The following NGB variants were observed in gnomAD, a reference collection of about 807,000 sequenced individuals.
NGB encodes the protein nitrite reductase.
Under a neutral mutation model 17.3 loss-of-function variants are expected in NGB, and 12 were observed. The observed-to-expected ratio is 0.69, with a 90% CI of 0.45 to 1.13. The LOEUF is 1.13. Ranked by LOEUF, NGB falls within the 50% of genes most tolerant of loss-of-function variation. NGB has a pLI of 0.00. For synonymous variants in NGB, 87 were observed against 81.0 expected, an observed-to-expected ratio of 1.07 and a Z score of -0.40; for missense variants, 195 against 191.7, an observed-to-expected ratio of 1.02 and a Z score of -0.10.
intron 3 of NGB, among the ~76,000 whole-genome samples, chr14:77,268,095 A>G (rs1269141794): frequency 2.0e-5 from 3 of 152,194 alleles, no homozygotes; most frequent in Non-Finnish European, 4.4e-5. Flanking sequence ...ATAACACACA[A>G]GTAACTCCAG....
At position 77,266,399 on chromosome 14, in the gene NGB, C is replaced by A. The variant is rs1043079933; in HGVS notation, c.*137G>T. The A allele has an allele frequency of 6.5e-6, 8 of 1,227,440 alleles. No individual in the cohort carries two copies. The highest frequency in any genetic ancestry group is 3.6e-6 in the Non-Finnish European group (3 of 835,310). The allele number at this position is 1,227,440 out of a possible 1,614,324, so 76.0% of individuals were successfully genotyped here. A position where few individuals can be genotyped will look rare whatever the true frequency, so the allele number is the denominator to read the frequency against. ...TGGACTCTAGGATACTGAGACCCAGCCCTGCCCCATCACCTCTCCAGTGTG... is the reference window on the plus strand; with the variant it reads ...TGGACTCTAGGATACTGAGACCCAGACCTGCCCCATCACCTCTCCAGTGTG... On this transcript the variant is annotated 3_prime_UTR_variant, in exon 4 of 4. Transcript: ENST00000298352.
chr14:77,266,181 G>C lies in NGB; in HGVS notation c.*355C>G. On this transcript the variant is annotated 3_prime_UTR_variant, in exon 4 of 4. Coordinates refer to ENST00000298352, the MANE Select transcript of NGB (RefSeq NM_021257.4). ...TGGCCTGCACTCACCTGAAGAAGCA[G>C]GACAGACAGAAGAGCCCCATCCTCT... The C allele has an allele frequency of 1.8e-6, 1 of 557,488 alleles. No individual in the cohort carries two copies. Among genetic ancestry groups the C allele is most frequent in the Non-Finnish European group, 3.6e-6 (1 of 277,296 alleles). 34.5% of individuals were successfully genotyped at this position (557,488 alleles called of 1,614,324 possible). A position where few individuals can be genotyped will look rare whatever the true frequency, so the allele number is the denominator to read the frequency against.
chr14:77,268,686 G>A, intron 2 of NGB, 101 bp from the exon 3 acceptor site: 5 of 1,486,732 alleles, frequency 3.4e-6, no homozygotes, highest in Non-Finnish European at 4.6e-6. Context: ...AGAGAGGCCA[G>A]TAGGACCCTC....
Position 77,266,448 on chromosome 14 carries a change from G to A in NGB, c.*88C>T. ...TGGCCAAGGGGACAAGGACCAAGATGCAGGGAAGCTTGGGGAGCCTGGGCT... is the reference window on the plus strand; with the variant it reads ...TGGCCAAGGGGACAAGGACCAAGATACAGGGAAGCTTGGGGAGCCTGGGCT... On this transcript the variant is annotated 3_prime_UTR_variant, in exon 4 of 4. Transcript: ENST00000298352. 1 of 1,544,136 alleles carries A rather than the reference G, an allele frequency of 6.5e-7. No homozygotes were observed. Among genetic ancestry groups the A allele is most frequent in the Admixed American group, 1.7e-5 (1 of 57,206 alleles).
chr14:77,266,803 C>A, intron 3 of NGB, 133 bp from the exon 4 acceptor site: 1 of 973,976 alleles, frequency 1.0e-6, no homozygotes, highest in Middle Eastern at 2.3e-4. Context: ...TGAGTCCATG[C>A]TTCCTGAGCA....
At position 77,271,020 on chromosome 14, in the gene NGB, C is replaced by G; in HGVS notation, c.-83G>C. On this transcript the variant is annotated 5_prime_UTR_variant, in exon 1 of 4. Coordinates refer to ENST00000298352, the MANE Select transcript of NGB (RefSeq NM_021257.4). ...CGCACGTGCCGCGCCATCTCCTCCG[C>G]GACGCGGTCCCCTCCGCCCCTCGTA... The G allele has an allele frequency of 9.6e-7, 1 of 1,037,672 alleles. No individual in the cohort carries two copies. Among genetic ancestry groups the G allele is most frequent in the South Asian group, 1.7e-5 (1 of 58,886 alleles). 64.3% of individuals were successfully genotyped at this position (1,037,672 alleles called of 1,614,324 possible). A position where few individuals can be genotyped will look rare whatever the true frequency, so the allele number is the denominator to read the frequency against.
intron 1 of NGB, among the ~76,000 whole-genome samples, chr14:77,269,592 G>A (rs1226638526): frequency 6.6e-6 from 1 of 151,998 alleles, no homozygotes; most frequent in Admixed American, 6.5e-5. Flanking sequence ...GTGAATAGCT[G>A]AGGGGTGTGA....
chr14:77,270,342 A>C (rs559732199), intron 1 of NGB, among the ~76,000 whole-genome samples: 1 of 150,996 alleles, frequency 6.6e-6, no homozygotes, highest in East Asian at 2.0e-4. Context: ...CTTTCCTCGG[A>C]AAGGTTTGTC....
Position 77,269,716 on chromosome 14 carries a change from CT to C in NGB, c.90-391del, listed in dbSNP as rs1889733206. ...TCTCTCTCTCTCTCTCTCTCTCTCT[CT>C]CTCTCTCTCTTCTCTCTCTCTCTCT... On this transcript the variant is annotated intron_variant, in intron 1 of 3. Transcript: ENST00000298352. Among the ~76,000 whole-genome samples, 6 of 2,192 alleles carry C rather than the reference CT, an allele frequency of 2.7e-3. 1 individual carries two copies. The highest frequency in any genetic ancestry group is 5.8e-3 in the Non-Finnish European group (5 of 860). 1.4% of individuals were successfully genotyped at this position (2,192 alleles called of 152,430 possible).
Position 77,269,333 on chromosome 14 carries a change from G to C in NGB, c.90-7C>G. On this transcript the variant is annotated splice_region_variant and splice_polypyrimidine_tract_variant and intron_variant, in intron 1 of 3. Transcript: ENST00000298352. Reference sequence around the variant, plus strand: ...AGGCTCCAGGGCAAACAGCCTGTGGGAGTGAGGCCCAGGTGTTAGCCCTGG... The same window carrying C: ...AGGCTCCAGGGCAAACAGCCTGTGGCAGTGAGGCCCAGGTGTTAGCCCTGG... The C allele has an allele frequency of 6.5e-7, 1 of 1,538,876 alleles. No homozygotes were observed. Among genetic ancestry groups the C allele is most frequent in the African/African-American group, 1.4e-5 (1 of 72,890 alleles).
chr14:77,267,812 T>C (rs1275980592), intron 3 of NGB, among the ~76,000 whole-genome samples: 4 of 152,160 alleles, frequency 2.6e-5, no homozygotes, highest in Non-Finnish European at 5.9e-5. Context: ...ACCTCAAGGA[T>C]TCATGCCCTT....
intron 3 of NGB, among the ~76,000 whole-genome samples, chr14:77,267,695 G>C (rs1889692978): frequency 6.6e-6 from 1 of 152,162 alleles, no homozygotes; most frequent in African/African-American, 2.4e-5. Flanking sequence ...GCTGGGGATG[G>C]AGAGGAGGAC....
intron 2 of NGB, among the ~76,000 whole-genome samples, 164 bp downstream of exon 2, chr14:77,269,051 T>C (rs953340627): frequency 1.3e-5 from 2 of 152,150 alleles, no homozygotes; most frequent in African/African-American, 2.4e-5. Context: ...CTGATTCTGA[T>C]GTCCCAGACC....
At chr14:77,270,567 G>C (rs890883976) in intron 1 of NGB, among the ~76,000 whole-genome samples, 2 of 152,240 alleles carry the variant, frequency 1.3e-5, no homozygotes, top group Non-Finnish European at 2.9e-5. Flanking sequence ...CACCCGCCCA[G>C]ATGTGGGGAG....
rs772021471 is a variant in NGB at position 77,269,272 on chromosome 14, C to T, written c.144G>A (p.Gln48=). 1.7e-5 allele frequency: 26 copies of T among 1,551,836 alleles called. No homozygotes were observed. In the Admixed American group the frequency reaches 4.9e-4, roughly 29 times the overall value. ...AGAGACAGTCCTCTGGGCTGGAGAA[C>T]TGGCGGCAGTTGTACTGGAAGAGGG... ...LLPLFQYNCR[Q]FSSPEDCLSS... is the part of the protein sequence containing the mutation. Residue 48 remains glutamine (Q), a synonymous_variant, in exon 2 of 4, where the codon CAG becomes CAA. Transcript: ENST00000298352.
chr14:77,270,443 T>C (rs990838520), intron 1 of NGB, among the ~76,000 whole-genome samples: 3 of 152,184 alleles, frequency 2.0e-5, no homozygotes, highest in Non-Finnish European at 4.4e-5. Flanking sequence ...TCCCCGGCTC[T>C]CGGGGCACCC....
At position 77,271,161 on chromosome 14, in the gene NGB, C is replaced by T. The variant is rs765889701; in HGVS notation, c.-224G>A. ...ACCCCAGCTGTGCTTCCGGGGACCC[C>T]GCTTGGCCGCTGCGCCCTGCGCCCC... On this transcript the variant is annotated 5_prime_UTR_variant, in exon 1 of 4. Transcript: ENST00000298352. The T allele has an allele frequency of 4.6e-6, 2 of 432,888 alleles. No homozygotes were observed. Among genetic ancestry groups the T allele is most frequent in the African/African-American group, 2.1e-5 (1 of 47,818 alleles). 26.8% of individuals were successfully genotyped at this position (432,888 alleles called of 1,614,324 possible). A position where few individuals can be genotyped will look rare whatever the true frequency, so the allele number is the denominator to read the frequency against.
At position 77,270,902 on chromosome 14, in the gene NGB, G is replaced by A; in HGVS notation, c.36C>T (p.Ser12=). The stretch of plus-strand genomic sequence containing the variant: ...GCGGGCTGCGGCTCACTGCCCGCCA[G>A]CTCTGCCGGATCAGCTCGGGCTCCG... The part of the protein sequence containing the change: ...ERPEPELIRQ[S]WRAVSRSPLE... The change falls in exon 1 of 4, where the codon AGC becomes AGT. Residue 12 remains serine, a synonymous_variant. Coordinates refer to ENST00000298352, the MANE Select transcript of NGB (RefSeq NM_021257.4). 1 of 1,582,352 alleles carries A rather than the reference G, an allele frequency of 6.3e-7. No individual in the cohort carries two copies.
Position 77,266,638 on chromosome 14 carries a change from C to T in NGB, c.354G>A (p.Glu118=). 6.2e-7 allele frequency: 1 copy of T among 1,614,112 alleles called. No individual in the cohort carries two copies. The highest frequency in any genetic ancestry group is 8.5e-7 in the Non-Finnish European group (1 of 1,180,032). Residue 118 remains glutamate (E), a synonymous_variant, in exon 4 of 4, where the codon GAG becomes GAA. Coordinates refer to ENST00000298352, the MANE Select transcript of NGB (RefSeq NM_021257.4). ...GTGTGAAGGCAGGGCCCAGACACTT[C>T]TCCAGCATGTAGAGCAGAGACTCAC... The part of the protein sequence containing the change: ...TVGESLLYML[E]KCLGPAFTPA...
Sources: allele counts gnomAD v4.1 joint callset (sites outside exome capture counted in the v4.1 genomes callset), GRCh38; gene constraint gnomAD v4.1.1; transcripts MANE v1.5; gene names NCBI Gene and HGNC (gene_info 2026-07-23, HGNC 2026-07-21).